MEGF11: variants seen among roughly 807,000 people sequenced by gnomAD.
The protein encoded by MEGF11 is multiple epidermal growth factor-like domains protein 11.
A neutral mutation model predicts 146.6 loss-of-function variants in MEGF11; 126 were observed. The observed-to-expected ratio is 0.86, with a 90% CI of 0.74 to 1.00. The LOEUF (loss-of-function observed/expected upper bound fraction) is 1.00. Ranked by LOEUF, MEGF11 falls within the 50% of genes least tolerant of loss-of-function variation. The pLI is 0.00. For missense variants in MEGF11, 1,509 were observed against 1,521.2 expected (o/e 0.99, Z 0.13); for synonymous variants, 532 against 583.4 (o/e 0.91, Z 1.27).
intron 1 of MEGF11, among the ~76,000 whole-genome samples, chr15:66,186,606 C>T (rs567764037): frequency 1.3e-5 from 2 of 152,336 alleles, no homozygotes; most frequent in East Asian, 1.9e-4. Context: ...CTCCATCTCT[C>T]GAGCCCCGGG....
At chr15:66,138,270 A>C (rs1318816201) in intron 1 of MEGF11, among the ~76,000 whole-genome samples, 1 of 152,106 alleles carries the variant, frequency 6.6e-6, no homozygotes, top group Non-Finnish European at 1.5e-5. Flanking sequence ...CACTTAGGGG[A>C]GCCTCCCAGC....
intron 9 of MEGF11, among the ~76,000 whole-genome samples, chr15:65,962,994 C>T (rs980685937): frequency 6.6e-6 from 1 of 152,202 alleles, no homozygotes; most frequent in South Asian, 2.1e-4. Flanking sequence ...AATAATGCAT[C>T]GAGGACTCCT....
chr15:66,104,163 G>A (rs536175601), intron 4 of MEGF11, among the ~76,000 whole-genome samples: 39 of 152,348 alleles, frequency 2.6e-4, no homozygotes, highest in Non-Finnish European at 4.4e-4. Context: ...CTCCAGGAAG[G>A]TCTTCATCTA....
intron 6 of MEGF11, among the ~76,000 whole-genome samples, chr15:65,981,165 G>A (rs2081625975): frequency 2.0e-5 from 3 of 152,196 alleles, no homozygotes; most frequent in African/African-American, 7.2e-5. Context: ...AGGAGGCTGA[G>A]GAAGGCTTCC....
At chr15:66,068,022 T>C (rs1249890123) in intron 5 of MEGF11, among the ~76,000 whole-genome samples, 1 of 152,238 alleles carries the variant, frequency 6.6e-6, no homozygotes, top group East Asian at 1.9e-4. Flanking sequence ...GCCTCAGTTT[T>C]CTCATCAGTA....
rs147651699 is a variant in MEGF11, at chr15:66,181,976, C to A, written c.-8-53565G>T. ...GCCAGACCTTCTGCCCAAGCCCCACCAAACCAGCACAGAGCCTGGCATTTG... is the reference window on the plus strand; with the variant it reads ...GCCAGACCTTCTGCCCAAGCCCCACAAAACCAGCACAGAGCCTGGCATTTG... On this transcript the variant is annotated intron_variant, in intron 1 of 25. Coordinates refer to ENST00000395614, the MANE Select transcript of MEGF11 (RefSeq NM_001385028.1). 2.3e-3 allele frequency among the ~76,000 whole-genome samples: 356 copies of A among 152,282 alleles called. 3 individuals carry two copies. Among genetic ancestry groups the A allele is most frequent in the Non-Finnish European group, 4.3e-3 (295 of 68,018 alleles).
intron 10 of MEGF11, among the ~76,000 whole-genome samples, chr15:65,941,863 C>T (rs1201689416): frequency 6.6e-6 from 1 of 152,262 alleles, no homozygotes; most frequent in Non-Finnish European, 1.5e-5. Flanking sequence ...CCCCTTCACC[C>T]CTCCAGACAG....
intron 5 of MEGF11, among the ~76,000 whole-genome samples, chr15:65,997,200 A>G (rs983740092): frequency 6.6e-6 from 1 of 152,200 alleles, no homozygotes; most frequent in African/African-American, 2.4e-5. Flanking sequence ...CCTGAGAGTG[A>G]GTGACAAATG....
chr15:65,917,793 A>G (rs577429735), intron 16 of MEGF11, among the ~76,000 whole-genome samples, 173 bp downstream of exon 16: 78 of 151,194 alleles, frequency 5.2e-4, no homozygotes, highest in African/African-American at 1.8e-3. Flanking sequence ...CCAATGATCA[A>G]TCCTAATAAT....
chr15:65,955,793 T>TAGATATATACACACAC (rs1555455862), intron 10 of MEGF11, among the ~76,000 whole-genome samples: 1 of 6,776 alleles, frequency 1.5e-4, no homozygotes, highest in African/African-American at 3.2e-4. Context: ...TATATATATA[T>TAGATATATACACACAC]ACACACACAC....
intron 15 of MEGF11, among the ~76,000 whole-genome samples, chr15:65,918,567 C>T (rs1273500610): frequency 6.6e-6 from 1 of 152,344 alleles, no homozygotes; most frequent in Middle Eastern, 3.4e-3. Flanking sequence ...GGCCTGCCTG[C>T]GGTTTGACTG....
chr15:66,051,233 G>T (rs2084433632), intron 5 of MEGF11, among the ~76,000 whole-genome samples: 1 of 152,148 alleles, frequency 6.6e-6, no homozygotes, highest in Admixed American at 6.5e-5. Flanking sequence ...AGCTGGGGGA[G>T]CAGAGAGGAA....
At chr15:66,043,774 C>T (rs2084086573) in intron 5 of MEGF11, among the ~76,000 whole-genome samples, 1 of 152,184 alleles carries the variant, frequency 6.6e-6, no homozygotes, top group African/African-American at 2.4e-5. Context: ...GTGAACTGAG[C>T]ACTGGGGAAT....
intron 1 of MEGF11, among the ~76,000 whole-genome samples, chr15:66,250,001 A>G (rs1032902836): frequency 1.3e-5 from 2 of 152,226 alleles, no homozygotes; most frequent in African/African-American, 2.4e-5. Context: ...GTCCCAATCT[A>G]CAGATTCAGG....
chr15:66,131,845 C>A (rs1027788992), intron 1 of MEGF11, among the ~76,000 whole-genome samples: 1 of 152,236 alleles, frequency 6.6e-6, no homozygotes, highest in Non-Finnish European at 1.5e-5. Flanking sequence ...CCATGGAACT[C>A]TTCCCAGTGA....
intron 4 of MEGF11, among the ~76,000 whole-genome samples, chr15:66,095,383 G>A (rs1470129536): frequency 6.6e-6 from 1 of 152,222 alleles, no homozygotes; most frequent in African/African-American, 2.4e-5. Flanking sequence ...TGAAAGCTCA[G>A]GGAATCAGCA....
At chr15:66,050,821 C>T (rs555110407) in intron 5 of MEGF11, among the ~76,000 whole-genome samples, 2 of 152,360 alleles carry the variant, frequency 1.3e-5, no homozygotes, top group South Asian at 4.1e-4. Context: ...CACATAATCC[C>T]ATATGTGCCA....
intron 1 of MEGF11, among the ~76,000 whole-genome samples, chr15:66,144,352 C>T (rs1597119551): frequency 6.6e-6 from 1 of 152,100 alleles, no homozygotes; most frequent in African/African-American, 2.4e-5. Flanking sequence ...ACAGGAAAGC[C>T]CACCAAGGGG....
chr15:65,920,600 C>T (rs1596840839), intron 15 of MEGF11, among the ~76,000 whole-genome samples: 1 of 152,210 alleles, frequency 6.6e-6, no homozygotes, highest in African/African-American at 2.4e-5. Context: ...ATTAATTGGT[C>T]GACTTCTTAG....
Sources: gnomAD v4.1 joint callset for allele counts (sites outside exome capture counted in the v4.1 genomes callset) on GRCh38, gnomAD v4.1.1 for gene constraint, MANE v1.5 for transcripts, NCBI Gene and HGNC (gene_info 2026-07-23, HGNC 2026-07-21) for gene names.